Variants in SLC24A3 observed in about 807,000 individuals in gnomAD.
The protein encoded by SLC24A3 is sodium/potassium/calcium exchanger 3.
SLC24A3 carries 28 observed loss-of-function variants against 75.8 expected under a neutral mutation model. The observed-to-expected ratio is 0.37, with a 90% CI of 0.27 to 0.51. The LOEUF (loss-of-function observed/expected upper bound fraction) is 0.51, where lower values mean the gene tolerates loss of function less well. SLC24A3 is among the 20% of genes least tolerant of loss of function. SLC24A3 has a pLI of 0.94. For missense variants in SLC24A3, 663 were observed against 847.8 expected (o/e 0.78, Z 2.71); for synonymous variants, 372 against 334.1 (o/e 1.11, Z -1.24).
intron 15 of SLC24A3, among the ~76,000 whole-genome samples, chr20:19,716,771 G>C (rs549604631): frequency 6.6e-6 from 1 of 152,080 alleles, no homozygotes. Flanking sequence ...GTCCTCAGGA[G>C]GCTGAGGTGG....
intron 3 of SLC24A3, among the ~76,000 whole-genome samples, chr20:19,517,104 C>T (rs1160241038): frequency 1.3e-5 from 2 of 152,160 alleles, no homozygotes; most frequent in African/African-American, 4.8e-5. Flanking sequence ...CTTTGCAACC[C>T]CCCAGCCCTC....
At chr20:19,339,290 G>GT (rs912344339) in intron 2 of SLC24A3, among the ~76,000 whole-genome samples, 108 of 149,936 alleles carry the variant, frequency 7.2e-4, no homozygotes, top group Middle Eastern at 3.4e-3. Context: ...TAGGTATCTA[G>GT]TTTTTTTTTT....
chr20:19,407,577 C>G (rs193138187), intron 2 of SLC24A3, among the ~76,000 whole-genome samples: 2 of 152,226 alleles, frequency 1.3e-5, no homozygotes, highest in East Asian at 3.9e-4. Flanking sequence ...AAATGAATCA[C>G]GGAAGTGTCT....
At chr20:19,345,159 A>G (rs1985362330) in intron 2 of SLC24A3, among the ~76,000 whole-genome samples, 1 of 152,212 alleles carries the variant, frequency 6.6e-6, no homozygotes, top group South Asian at 2.1e-4. Context: ...ACAGGAGTTG[A>G]TTGCTTTCCT....
At chr20:19,677,011 C>A (rs913274870) in intron 9 of SLC24A3, among the ~76,000 whole-genome samples, 2 of 152,124 alleles carry the variant, frequency 1.3e-5, no homozygotes, top group Non-Finnish European at 2.9e-5. Flanking sequence ...TCCATGAGAA[C>A]GGAATGTGAC....
chr20:19,400,182 G>T (rs1416198194), intron 2 of SLC24A3, among the ~76,000 whole-genome samples: 1 of 152,042 alleles, frequency 6.6e-6, no homozygotes, highest in Non-Finnish European at 1.5e-5. Context: ...TGTACAGTTG[G>T]TCATTTTTGA....
At chr20:19,364,843 C>A (rs775949986) in intron 2 of SLC24A3, among the ~76,000 whole-genome samples, 1 of 152,176 alleles carries the variant, frequency 6.6e-6, no homozygotes, top group Non-Finnish European at 1.5e-5. Flanking sequence ...TTTCTCTGGG[C>A]AGTGCCATTA....
intron 9 of SLC24A3, among the ~76,000 whole-genome samples, chr20:19,674,252 T>A (rs2122730308): frequency 6.6e-6 from 1 of 152,372 alleles, no homozygotes; most frequent in Middle Eastern, 3.4e-3. Flanking sequence ...CATCCACTGC[T>A]GCATAACAAA....
intron 3 of SLC24A3, among the ~76,000 whole-genome samples, chr20:19,537,166 A>C (rs1360912994): frequency 1.3e-5 from 2 of 152,220 alleles, no homozygotes; most frequent in African/African-American, 2.4e-5. Context: ...CAATGAACTC[A>C]AACAAATTTA....
Position 19,721,169 on chromosome 20 carries a change from C to A in SLC24A3, c.*29C>A. The A allele has an allele frequency of 1.9e-6, 3 of 1,613,090 alleles. No individual in the cohort carries two copies. The highest frequency in any genetic ancestry group is 2.5e-6 in the Non-Finnish European group (3 of 1,179,776). The stretch of plus-strand genomic sequence containing the variant: ...GCCGGGTGCCCACAGAGGCTCAGCT[C>A]CTTCTTTTCTGTGCAATACGAGACC... On this transcript the variant is annotated 3_prime_UTR_variant, in exon 17 of 17. Coordinates refer to ENST00000328041, the MANE Select transcript of SLC24A3 (RefSeq NM_020689.4).
At chr20:19,392,719 A>G (rs773212950) in intron 2 of SLC24A3, among the ~76,000 whole-genome samples, 60 of 152,352 alleles carry the variant, frequency 3.9e-4, no homozygotes, top group Admixed American at 7.2e-4. Context: ...ATTAAGCCAG[A>G]GTGAAAGTGT....
At chr20:19,623,263 T>C (rs928870357) in intron 6 of SLC24A3, among the ~76,000 whole-genome samples, 10 of 152,190 alleles carry the variant, frequency 6.6e-5, no homozygotes, top group African/African-American at 2.4e-4. Flanking sequence ...CATGTGTCTA[T>C]TGCCTATTTA....
rs1040732949 is a variant in SLC24A3, at chr20:19,711,281, G to T, written c.1720-6247G>T. Among the ~76,000 whole-genome samples, 3 of 121,446 alleles carry T rather than the reference G, an allele frequency of 2.5e-5. No homozygotes were observed. The East Asian group carries it at 7.5e-4, about 30-fold the overall frequency. The allele number at this position is 121,446 out of a possible 152,430, so 79.7% of individuals were successfully genotyped here. ...CACACATGCACACATGCAAACATAT[G>T]CATGCAAACACGCACACACATGCAC... On this transcript the variant is annotated intron_variant, in intron 15 of 16. Coordinates refer to ENST00000328041, the MANE Select transcript of SLC24A3 (RefSeq NM_020689.4).
chr20:19,480,301 G>A (rs1472450124), intron 2 of SLC24A3, among the ~76,000 whole-genome samples: 2 of 152,072 alleles, frequency 1.3e-5, no homozygotes, highest in Non-Finnish European at 2.9e-5. Context: ...TTTCTCCTTT[G>A]GACTAGAGGA....
At chr20:19,706,760 T>G (rs1471594012) in intron 15 of SLC24A3, among the ~76,000 whole-genome samples, 1 of 152,088 alleles carries the variant, frequency 6.6e-6, no homozygotes, top group Non-Finnish European at 1.5e-5. Flanking sequence ...GTTCTGACAA[T>G]TCCGTAGAGA....
chr20:19,261,951 G>A (rs1045925969), intron 1 of SLC24A3: 1 of 152,246 alleles, frequency 6.6e-6, no homozygotes, highest in Non-Finnish European at 1.5e-5. Context: ...GGGAGTGTGG[G>A]TGTCAAGGCA....
chr20:19,242,275 T>C (rs1379382300), intron 1 of SLC24A3: 1 of 152,224 alleles, frequency 6.6e-6, no homozygotes, highest in Non-Finnish European at 1.5e-5. Context: ...TGGGCCCTGA[T>C]GGGAATAAAT....
chr20:19,617,377 C>T (rs1425964767), intron 6 of SLC24A3, among the ~76,000 whole-genome samples: 2 of 152,198 alleles, frequency 1.3e-5, no homozygotes, highest in African/African-American at 2.4e-5. Flanking sequence ...GGGCAAGAAG[C>T]TCCCATGACT....
chr20:19,651,732 G>A (rs1291397990), intron 6 of SLC24A3, among the ~76,000 whole-genome samples: 6 of 151,722 alleles, frequency 4.0e-5, no homozygotes, highest in Admixed American at 1.3e-4. Flanking sequence ...GTGGTGGTGG[G>A]CGCCTGTAGT....
Sources: allele counts gnomAD v4.1 joint callset (sites outside exome capture counted in the v4.1 genomes callset), GRCh38; gene constraint gnomAD v4.1.1; transcripts MANE v1.5; gene names NCBI Gene and HGNC (gene_info 2026-07-23, HGNC 2026-07-21).